LAMA1: variants seen among roughly 807,000 people sequenced by gnomAD.
LAMA1 encodes the protein laminin subunit alpha-1.
Under a neutral mutation model 348.7 loss-of-function variants are expected in LAMA1, and 219 were observed. The ratio of observed to expected loss-of-function variants is 0.63; its 90% CI spans 0.56 to 0.70. The LOEUF is 0.70. Among genes scored for constraint, LAMA1 ranks in the 30% least tolerant of loss-of-function variants. The probability of loss-of-function intolerance (pLI) is 0.00; values close to 1 mark genes in which losing one functional copy is unlikely to be tolerated. For synonymous variants in LAMA1, 1,487 were observed against 1,491.0 expected (o/e 1.00, Z 0.06); for missense variants, 3,744 against 3,888.0 (o/e 0.96, Z 0.99).
At chr18:7,010,858 C>T (rs71360057) in intron 25 of LAMA1, among the ~76,000 whole-genome samples, 1 of 152,272 alleles carries the variant, frequency 6.6e-6, no homozygotes, top group Non-Finnish European at 1.5e-5. Context: ...GCCATAGCAC[C>T]TAGGTTTGTA....
intron 3 of LAMA1, among the ~76,000 whole-genome samples, chr18:7,065,908 G>A (rs2058121022): frequency 6.6e-6 from 1 of 152,192 alleles, no homozygotes; most frequent in South Asian, 2.1e-4. Context: ...GAGCGAGTCA[G>A]TGCTTTCTAA....
At chr18:7,044,681 G>T in intron 7 of LAMA1, 41 bp downstream of exon 7, 1 of 1,473,352 alleles carries the variant, frequency 6.8e-7, no homozygotes, top group Non-Finnish European at 9.5e-7. Flanking sequence ...GACGTATTAA[G>T]AGGAAAACTG....
intron 3 of LAMA1, among the ~76,000 whole-genome samples, chr18:7,078,064 CAA>C (rs1293065808): frequency 7.3e-5 from 4 of 54,840 alleles, no homozygotes; most frequent in East Asian, 6.3e-4. Context: ...AACTCCGTCT[CAA>C]AAAAAAAAAA....
chr18:7,034,983 C>A (rs2057987930), intron 13 of LAMA1, among the ~76,000 whole-genome samples: 3 of 152,232 alleles, frequency 2.0e-5, no homozygotes, highest in Admixed American at 2.0e-4. Flanking sequence ...AGCAACCCAT[C>A]TGACACCTCT....
intron 10 of LAMA1, 62 bp downstream of exon 10, chr18:7,040,014 A>G (rs1472489557): frequency 8.2e-6 from 13 of 1,591,480 alleles, no homozygotes; most frequent in Non-Finnish European, 1.0e-5. Flanking sequence ...GCCAATGGAA[A>G]ACACTCCTTT....
Position 6,942,027 on chromosome 18 carries a change from A to G in LAMA1, c.*52T>C. The stretch of plus-strand genomic sequence containing the variant: ...GAAGAGATTCTTAATTCACACATAC[A>G]CTTCTCCTCAAAATATTAGCAATGA... On this transcript the variant is annotated 3_prime_UTR_variant, in exon 63 of 63. Coordinates refer to ENST00000389658, the MANE Select transcript of LAMA1 (RefSeq NM_005559.4). The G allele has an allele frequency of 6.2e-7, 1 of 1,600,078 alleles. No individual in the cohort carries two copies. The highest frequency in any genetic ancestry group is 8.6e-7 in the Non-Finnish European group (1 of 1,168,040).
At chr18:7,085,508 T>C (rs1276201148) in intron 1 of LAMA1, among the ~76,000 whole-genome samples, 4 of 137,146 alleles carry the variant, frequency 2.9e-5, no homozygotes, top group Non-Finnish European at 6.1e-5. Context: ...AAGCTCCACC[T>C]CCCGGGTTCA....
At chr18:7,028,681 ATGGTACATAC>A (rs534121766) in intron 16 of LAMA1, among the ~76,000 whole-genome samples, 1 of 152,360 alleles carries the variant, frequency 6.6e-6, no homozygotes, top group South Asian at 2.1e-4. Context: ...AGCACTGGAA[ATGGTACATAC>A]ATGAAAAAAT....
At chr18:6,969,764 G>T (rs1022119518) in intron 48 of LAMA1, among the ~76,000 whole-genome samples, 1 of 152,118 alleles carries the variant, frequency 6.6e-6, no homozygotes, top group African/African-American at 2.4e-5. Flanking sequence ...GGTCCAGGGT[G>T]TGTGGAAATC....
At chr18:6,964,014 CT>C (rs79621141) in intron 51 of LAMA1, 2,155 of 144,464 alleles carry the variant, frequency 0.015, 31 homozygotes, top group African/African-American at 0.043. Context: ...AGCATGATTT[CT>C]TTTTTTTTTT....
Position 6,999,626 on chromosome 18 carries a change from G to A in LAMA1, c.4482C>T (p.Ser1494=). 3.1e-6 allele frequency: 5 copies of A among 1,612,024 alleles called. No individual in the cohort carries two copies. Among genetic ancestry groups the A allele is most frequent in the Non-Finnish European group, 4.2e-6 (5 of 1,179,076 alleles). ...CTGGTGTTTGAGGGTTCCCATAATAGCTTGAGGAGCACCTACAGAAAGGAA... is the reference window on the plus strand; with the variant it reads ...CTGGTGTTTGAGGGTTCCCATAATAACTTGAGGAGCACCTACAGAAAGGAA... The part of the protein sequence containing the change: ...EGKHCERCSS[S]YYGNPQTPGG... The change falls in exon 32 of 63, where the codon AGC becomes AGT. Residue 1494 remains serine (S), a synonymous_variant. Coordinates refer to ENST00000389658, the MANE Select transcript of LAMA1 (RefSeq NM_005559.4).
chr18:6,968,131 C>T (rs935666360), intron 48 of LAMA1, among the ~76,000 whole-genome samples: 1 of 152,164 alleles, frequency 6.6e-6, no homozygotes, highest in Non-Finnish European at 1.5e-5. Flanking sequence ...CAAATGAAAG[C>T]TCGGTTCATC....
At chr18:6,999,378 A>C in intron 32 of LAMA1, 67 bp downstream of exon 32, 1 of 1,517,586 alleles carries the variant, frequency 6.6e-7, no homozygotes. Flanking sequence ...GCGTGCCGTC[A>C]CCACTTCTTT....
At chr18:7,044,683 G>A in intron 7 of LAMA1, 39 bp downstream of exon 7, 1 of 1,498,628 alleles carries the variant, frequency 6.7e-7, no homozygotes. Flanking sequence ...CGTATTAAGA[G>A]GAAAACTGTA....
chr18:7,028,412 C>T (rs949046112), intron 16 of LAMA1, among the ~76,000 whole-genome samples: 1 of 152,176 alleles, frequency 6.6e-6, no homozygotes, highest in African/African-American at 2.4e-5. Context: ...CAGAATAACA[C>T]ACAGAAATAA....
rs569413372 is a variant in LAMA1 at position 6,974,906 on chromosome 18, G to A, written c.6620C>T (p.Ala2207Val). The A allele has an allele frequency of 6.2e-7, 1 of 1,614,008 alleles. No individual in the cohort carries two copies. Among genetic ancestry groups the A allele is most frequent in the Non-Finnish European group, 8.5e-7 (1 of 1,180,010 alleles). ...DDNRWHSIHV[A>V]RFGNIGSLSV... ...TTGAGAGAACATTCTCTTCTACCTG[G>A]CTACATGGATACTGTGCCATCTGTT... is the stretch of plus-strand genomic sequence containing the variant. The change falls in exon 46 of 63, where the codon GCC becomes GTC. Residue 2207 changes from alanine to valine, a missense_variant. Physicochemically the swap from Ala to Val is moderately conservative, Grantham distance 64. This residue lies in a region of LAMA1 where 1,983 missense variants were observed against 1,934.3 expected (regional missense o/e 1.03). Coordinates refer to ENST00000389658, the MANE Select transcript of LAMA1 (RefSeq NM_005559.4).
chr18:7,070,836 T>C (rs765193202), intron 3 of LAMA1, among the ~76,000 whole-genome samples: 1 of 151,440 alleles, frequency 6.6e-6, no homozygotes, highest in Non-Finnish European at 1.5e-5. Flanking sequence ...CCCACTGAAA[T>C]GTTCTCCGGC....
intron 1 of LAMA1, among the ~76,000 whole-genome samples, chr18:7,112,854 T>G (rs1286895459): frequency 1.3e-5 from 2 of 151,916 alleles, no homozygotes; most frequent in East Asian, 1.9e-4. Flanking sequence ...AGTCTGGTCT[T>G]GAACTCCCGA....
In LAMA1 at chr18:6,977,813, G is replaced by T; in HGVS notation, c.6259C>A (p.Pro2087Thr). 3 of 1,614,088 alleles carry T rather than the reference G, an allele frequency of 1.9e-6. No homozygotes were observed. Among genetic ancestry groups the T allele is most frequent in the Non-Finnish European group, 2.5e-6 (3 of 1,180,026 alleles). The change falls in exon 44 of 63, where the codon CCT becomes ACT. Residue 2087 changes from proline (P) to threonine (T), a missense_variant. Coordinates refer to ENST00000389658, the MANE Select transcript of LAMA1 (RefSeq NM_005559.4). ...QANLLFDRLKPLKMLEENLSR... is the reference protein window; with the variant it reads ...QANLLFDRLKTLKMLEENLSR... ...AGATTCTCCTCTAACATCTTCAAAG[G>T]CTTCAACCGATCAAACAAAAGGTTG...
Sources: gnomAD v4.1 joint callset for allele counts (sites outside exome capture counted in the v4.1 genomes callset) on GRCh38, gnomAD v4.1.1 for gene constraint, gnomAD v4.1.1 regional missense constraint, MANE v1.5 for transcripts, NCBI Gene and HGNC (gene_info 2026-07-23, HGNC 2026-07-21) for gene names.